Variants in CNTLN observed in about 807,000 individuals in gnomAD.
The protein encoded by CNTLN is centlein.
CNTLN carries 212 observed loss-of-function variants against 180.0 expected under a neutral mutation model. The ratio of observed to expected loss-of-function variants is 1.18; its 90% CI spans 1.05 to 1.32. The LOEUF is 1.32. Among genes scored for constraint, CNTLN ranks in the 40% most tolerant of loss-of-function variants. The probability of loss-of-function intolerance (pLI) is 0.00; values close to 1 mark genes in which losing one functional copy is unlikely to be tolerated. For synonymous variants in CNTLN, 722 were observed against 563.1 expected (o/e 1.28, Z -3.99); for missense variants, 2,095 against 1,610.9 (o/e 1.30, Z -5.14).
chr9:17,294,333 C>G (rs777145158), intron 6 of CNTLN, among the ~76,000 whole-genome samples: 4 of 151,956 alleles, frequency 2.6e-5, no homozygotes, highest in Non-Finnish European at 4.4e-5. Flanking sequence ...TTACAGAGAG[C>G]CGATTGGTTT....
At chr9:17,442,356 CAGA>C (rs1830160346) in intron 18 of CNTLN, among the ~76,000 whole-genome samples, 2 of 152,088 alleles carry the variant, frequency 1.3e-5, no homozygotes, top group African/African-American at 4.8e-5. Context: ...AGAGCAATAG[CAGA>C]AGGAGAACTG....
At position 17,330,814 on chromosome 9, in the gene CNTLN, G is replaced by T; in HGVS notation, c.1518+6G>T. On this transcript the variant is annotated splice_donor_region_variant and intron_variant, in intron 9 of 25. Transcript: ENST00000380647. ...GTGCTGAAGGAAAACATAAGGTAGG[G>T]ACATTTTGTCATTTTGTGAATTTGC... 6.3e-7 allele frequency: 1 copy of T among 1,592,442 alleles called. No individual in the cohort carries two copies. The highest frequency in any genetic ancestry group is 1.2e-5 in the South Asian group (1 of 86,664).
At chr9:17,328,334 C>A (rs535091829) in intron 8 of CNTLN, among the ~76,000 whole-genome samples, 134 of 152,272 alleles carry the variant, frequency 8.8e-4, no homozygotes, top group Non-Finnish European at 1.4e-3. Flanking sequence ...CTGGGTCCAA[C>A]CAACATTTGA....
chr9:17,342,137 C>T (rs528297044), intron 11 of CNTLN, among the ~76,000 whole-genome samples, 188 bp from the exon 12 acceptor site: 2 of 152,130 alleles, frequency 1.3e-5, no homozygotes, highest in African/African-American at 4.8e-5. Flanking sequence ...AGCAGTTTAG[C>T]TTCAAAAAAT....
In CNTLN at chr9:17,274,953, C is replaced by A. The variant is rs370915574; in HGVS notation, c.983+1087C>A. Among the ~76,000 whole-genome samples the A allele has an allele frequency of 2.9e-4, 44 of 152,082 alleles. 1 individual carries two copies. In the East Asian group the frequency reaches 7.7e-3, roughly 27 times the overall value. On this transcript the variant is annotated intron_variant, in intron 6 of 25. Transcript: ENST00000380647. ...AAATGAATTAGGACATTAACAGATT[C>A]CTTGTATCACATTTTAAAAACTTTC...
chr9:17,513,278 C>CTT, the CNTLN span, among the ~76,000 whole-genome samples: 2 of 147,288 alleles, frequency 1.4e-5, no homozygotes, highest in African/African-American at 4.9e-5. Flanking sequence ...AATGAGAATA[C>CTT]TTTTTTTTTT....
intron 2 of CNTLN, among the ~76,000 whole-genome samples, chr9:17,192,500 G>A (rs768292694): frequency 2.0e-5 from 3 of 149,788 alleles, no homozygotes; most frequent in Non-Finnish European, 4.4e-5. Context: ...GCCTCCCAAA[G>A]TGCTGGGATT....
At chr9:17,416,513 A>G (rs1828265120) in intron 18 of CNTLN, among the ~76,000 whole-genome samples, 1 of 152,206 alleles carries the variant, frequency 6.6e-6, no homozygotes, top group Admixed American at 6.5e-5. Context: ...AGCAGGCTTC[A>G]TACATACACA....
intron 14 of CNTLN, among the ~76,000 whole-genome samples, chr9:17,388,480 C>G (rs1237530028): frequency 1.3e-5 from 2 of 151,834 alleles, no homozygotes; most frequent in African/African-American, 4.8e-5. Context: ...ACATTATTTT[C>G]AAAAGGTGAA....
At chr9:17,135,456 C>G in intron 1 of CNTLN, 31 bp downstream of exon 1, 1 of 1,571,280 alleles carries the variant, frequency 6.4e-7, no homozygotes, top group Non-Finnish European at 8.6e-7. Context: ...CCCCCTTTCC[C>G]CACCACAGCG....
At chr9:17,178,254 T>C (rs1378108955) in intron 2 of CNTLN, among the ~76,000 whole-genome samples, 1 of 152,202 alleles carries the variant, frequency 6.6e-6, no homozygotes, top group Non-Finnish European at 1.5e-5. Context: ...AACCTTGAGC[T>C]AGATTCAGAG....
chr9:17,282,779 G>A (rs1828743664), intron 6 of CNTLN, among the ~76,000 whole-genome samples: 3 of 152,172 alleles, frequency 2.0e-5, no homozygotes, highest in Admixed American at 2.0e-4. Flanking sequence ...GCATAAGGAA[G>A]GGGTCCAGTT....
chr9:17,207,611 G>A (rs1823017525), intron 2 of CNTLN, among the ~76,000 whole-genome samples: 1 of 152,226 alleles, frequency 6.6e-6, no homozygotes, highest in East Asian at 1.9e-4. Context: ...CCAGCTCCTT[G>A]TACTTCCTGG....
In CNTLN at chr9:17,221,927, T is replaced by C. The variant is rs114989998; in HGVS notation, c.450-4276T>C. 5.7e-3 allele frequency among the ~76,000 whole-genome samples: 861 copies of C among 152,190 alleles called. 9 individuals are homozygous for C. The highest frequency in any genetic ancestry group is 0.02 in the African/African-American group (826 of 41,546). On this transcript the variant is annotated intron_variant, in intron 2 of 25. Transcript: ENST00000380647. ...TATCTGAATCTGTTCTCATATTCTCTCTTTTTATTTCTTTGGAAGAACTGT... is the reference window on the plus strand; with the variant it reads ...TATCTGAATCTGTTCTCATATTCTCCCTTTTTATTTCTTTGGAAGAACTGT...
At chr9:17,212,689 C>G (rs150864460) in intron 2 of CNTLN, among the ~76,000 whole-genome samples, 2,046 of 152,124 alleles carry the variant, frequency 0.013, 51 homozygotes, top group African/African-American at 0.047. Context: ...TGCTCCTGGA[C>G]TTTTTTGGTT....
chr9:17,394,889 T>G lies in CNTLN; in HGVS notation c.2435T>G (p.Met812Arg). ...ADRAKSEMATMKVRSGRYDCK... is the reference protein window; with the variant it reads ...ADRAKSEMATRKVRSGRYDCK... ...AGAGCTAAATCCGAGATGGCCACCA[T>G]GAAAGTGAGATCTGGACGATATGAT... The change falls in exon 15 of 26, where the codon ATG becomes AGG. Residue 812 changes from methionine (M) to arginine (R), a missense_variant. Coordinates refer to ENST00000380647, the MANE Select transcript of CNTLN (RefSeq NM_017738.4). 2 of 1,614,026 alleles carry G rather than the reference T, an allele frequency of 1.2e-6. No homozygotes were observed. The highest frequency in any genetic ancestry group is 1.7e-6 in the Non-Finnish European group (2 of 1,179,960).
chr9:17,509,125 A>G, the CNTLN span, among the ~76,000 whole-genome samples: 1 of 152,184 alleles, frequency 6.6e-6, no homozygotes, highest in Admixed American at 6.5e-5. Flanking sequence ...GGTGGCAGGG[A>G]TAGAAGTTAT....
chr9:17,193,634 C>T (rs1821932545), intron 2 of CNTLN, among the ~76,000 whole-genome samples: 1 of 152,172 alleles, frequency 6.6e-6, no homozygotes, highest in African/African-American at 2.4e-5. Flanking sequence ...TCCCAGCTGC[C>T]TTCACGGGCT....
At chr9:17,190,967 A>G (rs1229726398) in intron 2 of CNTLN, among the ~76,000 whole-genome samples, 1 of 152,194 alleles carries the variant, frequency 6.6e-6, no homozygotes, top group Non-Finnish European at 1.5e-5. Context: ...GGATTCCTAA[A>G]TGTTTTCAGT....
Sources: allele counts gnomAD v4.1 joint callset (sites outside exome capture counted in the v4.1 genomes callset), GRCh38; gene constraint gnomAD v4.1.1; transcripts MANE v1.5; gene names NCBI Gene and HGNC (gene_info 2026-07-23, HGNC 2026-07-21).